Variants in BARD1 observed in about 807,000 individuals in gnomAD.
The protein encoded by BARD1 is BRCA1 associated RING domain 1, also known as BRCA1-associated RING domain protein 1.
A neutral mutation model predicts 77.0 loss-of-function variants in BARD1; 73 were observed. The ratio of observed to expected loss-of-function variants is 0.95; its 90% CI spans 0.79 to 1.15. BARD1 has a LOEUF of 1.15. BARD1 is among the 50% of genes most tolerant of loss of function. The probability of loss-of-function intolerance (pLI) is 0.00; values close to 1 mark genes in which losing one functional copy is unlikely to be tolerated. For synonymous variants in BARD1, 384 were observed against 338.0 expected, an observed-to-expected ratio of 1.14 and a Z score of -1.49; for missense variants, 993 against 938.8, an observed-to-expected ratio of 1.06 and a Z score of -0.75.
rs1060501279 is a variant in BARD1 at position 214,780,748 on chromosome 2, A to C, written c.1126T>G (p.Ser376Ala). The C allele has an allele frequency of 6.2e-7, 1 of 1,614,042 alleles. No individual in the cohort carries two copies. Among genetic ancestry groups the C allele is most frequent in the Non-Finnish European group, 8.5e-7 (1 of 1,179,970 alleles). The change falls in exon 4 of 11, where the codon TCA becomes GCA. Residue 376 changes from serine to alanine, a missense_variant. Coordinates refer to ENST00000260947, the MANE Select transcript of BARD1 (RefSeq NM_000465.4). ...PSCKRKVGGTSGRKNSNMSDE... is the reference protein window; with the variant it reads ...PSCKRKVGGTAGRKNSNMSDE... ...GACATGTTACTGTTTTTCCTCCCTG[A>C]TGTACCACCAACTTTACGTTTGCAT...
chr2:214,745,260 G>C (rs1693049927), intron 8 of BARD1, 101 bp from the exon 9 acceptor site: 7 of 1,069,420 alleles, frequency 6.5e-6, no homozygotes, highest in African/African-American at 1.6e-5. Context: ...GCTTATATCT[G>C]AATCTTCAAA....
chr2:214,796,901 C>T, intron 2 of BARD1, 160 bp downstream of exon 2: 1 of 648,800 alleles, frequency 1.5e-6, no homozygotes. Flanking sequence ...TAAATTAAGA[C>T]ACAGTTTTAA....
At chr2:214,739,850 A>G (rs935910094) in intron 9 of BARD1, among the ~76,000 whole-genome samples, 1 of 152,080 alleles carries the variant, frequency 6.6e-6, no homozygotes, top group Admixed American at 6.6e-5. Context: ...ATGTAGAAAT[A>G]TATTTCTTCA....
At chr2:214,749,585 A>G (rs1693304584) in intron 7 of BARD1, among the ~76,000 whole-genome samples, 1 of 152,118 alleles carries the variant, frequency 6.6e-6, no homozygotes, top group South Asian at 2.1e-4. Flanking sequence ...ATTTAAAGTA[A>G]TCATTTTCCA....
chr2:214,807,161 A>G (rs16852799), intron 1 of BARD1, among the ~76,000 whole-genome samples: 11,648 of 152,082 alleles, frequency 0.077, 524 homozygotes, highest in African/African-American at 0.13. Flanking sequence ...AGACCCCTAC[A>G]TGAAAACATG....
Position 214,728,955 on chromosome 2 carries a change from GT to G in BARD1, c.2054del (p.His685ProfsTer29). 1 of 1,614,138 alleles carries G rather than the reference GT, an allele frequency of 6.2e-7. No homozygotes were observed. The highest frequency in any genetic ancestry group is 1.1e-5 in the South Asian group (1 of 91,076). On this transcript the variant is annotated frameshift_variant, in exon 11 of 11. Transcript: ENST00000260947. LOFTEE classifies it high-confidence loss of function. ...GCTTAATAAGGTTGTCCTTTGGATG[GT>G]GTTTGAAGGTTCCCCACAAATAGAA... ...CYFYLWGTFK[H>X]HPKDNLIKLV...
chr2:214,730,442 G>T lies in BARD1; in HGVS notation c.1970C>A (p.Pro657Gln), dbSNP rs1559373931. 2 of 1,613,606 alleles carry T rather than the reference G, an allele frequency of 1.2e-6. No individual in the cohort carries two copies. Among genetic ancestry groups the T allele is most frequent in the African/African-American group, 2.7e-5 (2 of 74,844 alleles). ...TTCTCTGTTGAGCCTGCTTCTGCGT[G>T]GACCTTCAGGAATTTCATACTTTTC... ...QEEKYEIPEG[P>Q]RRSRLNREQL... Residue 657 changes from proline to glutamine, a missense_variant, in exon 10 of 11, where the codon CCA (proline) becomes CAA (glutamine). By Grantham distance (76) the Pro-to-Gln change is moderately conservative (BLOSUM62 -1). Transcript: ENST00000260947.
chr2:214,805,512 T>C (rs1435432689), intron 1 of BARD1, among the ~76,000 whole-genome samples: 1 of 152,212 alleles, frequency 6.6e-6, no homozygotes, highest in East Asian at 1.9e-4. Flanking sequence ...AGAGAACCTA[T>C]CCTTTATTTC....
chr2:214,745,097 G>T lies in BARD1; in HGVS notation c.1873C>A (p.Leu625Ile), dbSNP rs1574737211. The change falls in exon 9 of 11, where the codon CTC becomes ATC. Residue 625 changes from leucine to isoleucine, a missense_variant. Transcript: ENST00000260947. ...QSTLKCMLGI[L>I]NGCWILKFEW... is the part of the protein sequence containing the mutation. ...AATTTTAGAATCCAGCATCCATTGA[G>T]AATCCCAAGCATACACTTCAAGGTA... 6.2e-7 allele frequency: 1 copy of T among 1,613,936 alleles called. No homozygotes were observed. Among genetic ancestry groups the T allele is most frequent in the African/African-American group, 1.3e-5 (1 of 75,002 alleles).
intron 8 of BARD1, among the ~76,000 whole-genome samples, 185 bp from the exon 9 acceptor site, chr2:214,745,344 G>A (rs1400701177): frequency 6.6e-6 from 1 of 152,092 alleles, no homozygotes; most frequent in Non-Finnish European, 1.5e-5. Flanking sequence ...CCATCAATAT[G>A]AAAAATCAGA....
At chr2:214,765,137 T>C (rs1311766280) in intron 6 of BARD1, among the ~76,000 whole-genome samples, 4 of 152,204 alleles carry the variant, frequency 2.6e-5, no homozygotes, top group Admixed American at 6.5e-5. Context: ...AAGTGTTCAA[T>C]AGTAAAGGTG....
Position 214,780,768 on chromosome 2 carries a change from T to G in BARD1, c.1106A>C (p.Lys369Thr). The G allele has an allele frequency of 6.2e-7, 1 of 1,614,070 alleles. No homozygotes were observed. Among genetic ancestry groups the G allele is most frequent in the Non-Finnish European group, 8.5e-7 (1 of 1,179,982 alleles). ...LPECSSPPSC[K>T]RKVGGTSGRK... ...CCCTGATGTACCACCAACTTTACGT[T>G]TGCATGAAGGTGGTGAAGAACATTC... Residue 369 changes from lysine (K) to threonine (T), a missense_variant, in exon 4 of 11, where the codon AAA (lysine) becomes ACA (threonine). Physicochemically the swap from Lys to Thr is moderately conservative, Grantham distance 78. Coordinates refer to ENST00000260947, the MANE Select transcript of BARD1 (RefSeq NM_000465.4).
At chr2:214,806,183 G>T (rs992235565) in intron 1 of BARD1, among the ~76,000 whole-genome samples, 1 of 152,140 alleles carries the variant, frequency 6.6e-6, no homozygotes, top group Admixed American at 6.5e-5. Context: ...AGGATGCCCG[G>T]TTATGTACCA....
In BARD1 at chr2:214,785,390, A is replaced by G. The variant is rs567214434; in HGVS notation, c.365-3881T>C. Among the ~76,000 whole-genome samples, 112 of 152,034 alleles carry G rather than the reference A, an allele frequency of 7.4e-4. 2 individuals are homozygous for G. Among genetic ancestry groups the G allele is most frequent in the African/African-American group, 2.7e-3 (112 of 41,414 alleles). On this transcript the variant is annotated intron_variant, in intron 3 of 10. Transcript: ENST00000260947. Reference sequence around the variant, plus strand: ...TTCAAGAAAAAAAAATTGCCTTAAAATTCTCTCCCACCCCATGACAACATA... The same window carrying G: ...TTCAAGAAAAAAAAATTGCCTTAAAGTTCTCTCCCACCCCATGACAACATA...
At chr2:214,730,087 C>T (rs1168250660) in intron 10 of BARD1, 8 of 370,732 alleles carry the variant, frequency 2.2e-5, no homozygotes, top group African/African-American at 1.7e-4. Context: ...CAATATGTGG[C>T]CATAGAGACA....
At chr2:214,805,757 C>T (rs1390289627) in intron 1 of BARD1, among the ~76,000 whole-genome samples, 1 of 150,186 alleles carries the variant, frequency 6.7e-6, no homozygotes, top group Non-Finnish European at 1.5e-5. Flanking sequence ...ATCTCCTAAA[C>T]AAGAACTCAG....
chr2:214,731,932 A>C (rs946977986), intron 9 of BARD1, among the ~76,000 whole-genome samples: 19 of 152,232 alleles, frequency 1.2e-4, no homozygotes, highest in African/African-American at 4.3e-4. Flanking sequence ...GATTGTATCC[A>C]CATCAATAAA....
At chr2:214,746,122 C>A (rs1693105745) in intron 7 of BARD1, among the ~76,000 whole-genome samples, 1 of 152,122 alleles carries the variant, frequency 6.6e-6, no homozygotes, top group Admixed American at 6.5e-5. Flanking sequence ...TAGGGTTTTA[C>A]TTCATTCAGT....
chr2:214,738,957 C>T (rs947202564), intron 9 of BARD1, among the ~76,000 whole-genome samples: 4 of 151,792 alleles, frequency 2.6e-5, no homozygotes, highest in African/African-American at 9.7e-5. Flanking sequence ...ACAGCCTGGG[C>T]AACAAAGTGA....
Sources: allele counts gnomAD v4.1 joint callset (sites outside exome capture counted in the v4.1 genomes callset), GRCh38; gene constraint gnomAD v4.1.1; transcripts MANE v1.5; gene names NCBI Gene and HGNC (gene_info 2026-07-23, HGNC 2026-07-21).